PRELID2: variants seen among roughly 807,000 people sequenced by gnomAD.
PRELID2 encodes the protein PRELI domain-containing protein 2.
A neutral mutation model predicts 28.4 loss-of-function variants in PRELID2; 25 were observed. The ratio of observed to expected loss-of-function variants is 0.88; its 90% CI spans 0.64 to 1.23. The LOEUF (loss-of-function observed/expected upper bound fraction) is 1.23. Among genes scored for constraint, PRELID2 ranks in the 50% most tolerant of loss-of-function variants. PRELID2 has a pLI of 0.00. For missense variants in PRELID2, 201 were observed against 214.4 expected (o/e 0.94, Z 0.39); for synonymous variants, 76 against 71.6 (o/e 1.06, Z -0.31).
chr5:145,269,541 A>C, the PRELID2 span, among the ~76,000 whole-genome samples: 1 of 151,952 alleles, frequency 6.6e-6, no homozygotes, highest in Non-Finnish European at 1.5e-5. Context: ...TTCTAGAAGA[A>C]AATACAGAAT....
At chr5:145,435,356 C>T in the PRELID2 span, among the ~76,000 whole-genome samples, 1 of 152,028 alleles carries the variant, frequency 6.6e-6, no homozygotes, top group Non-Finnish European at 1.5e-5. Flanking sequence ...ACATTCCAAA[C>T]AGTGGGAGGA....
At chr5:145,430,317 T>C in the PRELID2 span, among the ~76,000 whole-genome samples, 1 of 152,226 alleles carries the variant, frequency 6.6e-6, no homozygotes, top group South Asian at 2.1e-4. Flanking sequence ...ACTATGCTGC[T>C]GTAACAAATT....
the PRELID2 span, among the ~76,000 whole-genome samples, chr5:145,246,395 A>T: frequency 6.6e-6 from 1 of 152,094 alleles, no homozygotes; most frequent in Non-Finnish European, 1.5e-5. Flanking sequence ...CTTACATTCA[A>T]ATGGGGGAAG....
At chr5:145,361,139 C>A in the PRELID2 span, among the ~76,000 whole-genome samples, 1 of 152,186 alleles carries the variant, frequency 6.6e-6, no homozygotes, top group African/African-American at 2.4e-5. Context: ...ATCTTTCTTA[C>A]ATTCCTGCCA....
the PRELID2 span, among the ~76,000 whole-genome samples, chr5:145,421,741 G>C: frequency 1.8e-4 from 26 of 141,924 alleles, no homozygotes; most frequent in African/African-American, 6.5e-4. Context: ...CTTCAGTTCT[G>C]CTCTGATATT....
chr5:145,682,174 G>A (rs1156660567), intron 1 of PRELID2, among the ~76,000 whole-genome samples: 1 of 152,154 alleles, frequency 6.6e-6, no homozygotes, highest in Non-Finnish European at 1.5e-5. Flanking sequence ...AAAAAGTGGG[G>A]AGAGGGAGGA....
intron 1 of PRELID2, among the ~76,000 whole-genome samples, chr5:145,622,149 C>T (rs528191266): frequency 6.6e-6 from 1 of 152,152 alleles, no homozygotes; most frequent in South Asian, 2.1e-4. Context: ...AACAGATTTG[C>T]CATTGTCTAG....
At chr5:145,448,681 T>G in the PRELID2 span, among the ~76,000 whole-genome samples, 1 of 152,158 alleles carries the variant, frequency 6.6e-6, no homozygotes, top group Non-Finnish European at 1.5e-5. Flanking sequence ...GGAGTTAGGC[T>G]GCCTAGATTT....
At chr5:145,721,098 T>A (rs1023368375) in intron 1 of PRELID2, among the ~76,000 whole-genome samples, 1 of 152,128 alleles carries the variant, frequency 6.6e-6, no homozygotes, top group African/African-American at 2.4e-5. Context: ...CAAATCCCTT[T>A]AAGGTCTGTC....
the PRELID2 span, among the ~76,000 whole-genome samples, chr5:145,435,259 G>T: frequency 1.1e-4 from 16 of 152,176 alleles, no homozygotes; most frequent in African/African-American, 3.9e-4. Context: ...GAACTCACTA[G>T]GTCAGGAGGT....
the PRELID2 span, among the ~76,000 whole-genome samples, chr5:145,452,069 AT>A: frequency 1.1e-4 from 16 of 152,300 alleles, no homozygotes; most frequent in African/African-American, 3.8e-4. Context: ...ATATGCATGC[AT>A]ACTGTTGTAA....
At chr5:145,333,747 C>A in the PRELID2 span, among the ~76,000 whole-genome samples, 3 of 151,036 alleles carry the variant, frequency 2.0e-5, no homozygotes, top group African/African-American at 7.3e-5. Flanking sequence ...ACTTTGCTCC[C>A]TGGCTTCAGC....
chr5:145,500,753 A>G (rs1443393899), intron 1 of PRELID2, among the ~76,000 whole-genome samples: 2 of 152,154 alleles, frequency 1.3e-5, no homozygotes, highest in African/African-American at 2.4e-5. Context: ...GGATTGTGTT[A>G]AGTTTAGAAG....
chr5:145,565,626 G>T (rs1349192595), intron 1 of PRELID2, among the ~76,000 whole-genome samples: 1 of 152,186 alleles, frequency 6.6e-6, no homozygotes, highest in African/African-American at 2.4e-5. Flanking sequence ...CTTTTGGTTT[G>T]CAGACAAAAA....
At chr5:145,423,380 G>A in the PRELID2 span, among the ~76,000 whole-genome samples, 2 of 151,950 alleles carry the variant, frequency 1.3e-5, no homozygotes, top group African/African-American at 2.4e-5. Flanking sequence ...CACCAATCAG[G>A]CATAGATTTG....
At chr5:145,536,619 A>T (rs538214720) in intron 1 of PRELID2, among the ~76,000 whole-genome samples, 4 of 151,886 alleles carry the variant, frequency 2.6e-5, no homozygotes, top group Non-Finnish European at 5.9e-5. Context: ...AGAGGAAAAG[A>T]TACAATGTCC....
downstream of PRELID2, among the ~76,000 whole-genome samples, chr5:145,468,336 T>C (rs189327023): frequency 2.9e-3 from 443 of 152,284 alleles, 1 homozygote; most frequent in African/African-American, 0.01. Context: ...TTTGGCTTGG[T>C]TCCAAGTCTT....
At chr5:145,454,533 A>C in the PRELID2 span, among the ~76,000 whole-genome samples, 1 of 152,168 alleles carries the variant, frequency 6.6e-6, no homozygotes, top group South Asian at 2.1e-4. Context: ...AGAAAACCCC[A>C]TTGTCTCAGC....
At chr5:145,525,302 G>T (rs1311620451) in intron 1 of PRELID2, among the ~76,000 whole-genome samples, 1 of 152,116 alleles carries the variant, frequency 6.6e-6, no homozygotes, top group African/African-American at 2.4e-5. Flanking sequence ...CTTGCAATTT[G>T]CAGGTAAATT....
Sources: gnomAD v4.1 joint callset for allele counts (sites outside exome capture counted in the v4.1 genomes callset) on GRCh38, gnomAD v4.1.1 for gene constraint, MANE v1.5 for transcripts, NCBI Gene and HGNC (gene_info 2026-07-23, HGNC 2026-07-21) for gene names.